The following LIN52 variants were observed in gnomAD, a reference collection of about 807,000 sequenced individuals.
LIN52 encodes protein lin-52 homolog.
In LIN52, 4 loss-of-function variants were observed where a neutral mutation model predicts 18.5. The ratio of observed to expected loss-of-function variants is 0.22; its 90% CI spans 0.11 to 0.49. The LOEUF is 0.49. LIN52 is among the 20% of genes least tolerant of loss of function. LIN52 has a pLI of 0.97. For synonymous variants in LIN52, 34 were observed against 45.5 expected (o/e 0.75, Z 1.02); for missense variants, 102 against 139.5 (o/e 0.73, Z 1.35).
At chr14:74,130,278 G>GGTTTTTTTTTTGTT (rs2061054384) in intron 5 of LIN52, among the ~76,000 whole-genome samples, 1 of 64,842 alleles carries the variant, frequency 1.5e-5, no homozygotes, top group East Asian at 4.6e-4. Flanking sequence ...GCATTTTTTG[G>GGTTTTTTTTTTGTT]TTTTTTTTTT....
Position 74,146,192 on chromosome 14 carries a change from G to A in LIN52, c.283+44954G>A, listed in dbSNP as rs186605933. On this transcript the variant is annotated intron_variant, in intron 5 of 5. Coordinates refer to ENST00000555028, the MANE Select transcript of LIN52 (RefSeq NM_001024674.3). ...CCTCACTGCCTTTTCAGAGAAGTAT[G>A]TATTTTTCTCTCTATTGATGAACAT... is the stretch of plus-strand genomic sequence containing the variant. 3.7e-3 allele frequency among the ~76,000 whole-genome samples: 569 copies of A among 152,190 alleles called. 4 individuals carry two copies. Among genetic ancestry groups the A allele is most frequent in the African/African-American group, 0.013 (537 of 41,518 alleles).
chr14:74,118,515 T>G (rs2060977364), intron 5 of LIN52, among the ~76,000 whole-genome samples: 1 of 152,250 alleles, frequency 6.6e-6, no homozygotes, highest in African/African-American at 2.4e-5. Context: ...GGCTCATGCC[T>G]GTGATCCCAG....
chr14:74,087,413 CAAA>C (rs59052804), intron 1 of LIN52, among the ~76,000 whole-genome samples: 24 of 100,222 alleles, frequency 2.4e-4, no homozygotes, highest in South Asian at 6.5e-4. Context: ...GACTCCATTG[CAAA>C]AAAAAAAAAA....
chr14:74,139,804 G>A (rs983518088), intron 5 of LIN52, among the ~76,000 whole-genome samples: 6 of 152,104 alleles, frequency 3.9e-5, no homozygotes, highest in African/African-American at 1.4e-4. Context: ...GTGAGTCCAA[G>A]AGTTTATTTT....
chr14:74,174,941 G>A (rs1216405332), intron 5 of LIN52, among the ~76,000 whole-genome samples: 1 of 151,494 alleles, frequency 6.6e-6, no homozygotes, highest in Non-Finnish European at 1.5e-5. Context: ...CTCAGTTAAC[G>A]GAGGTCGAGG....
chr14:74,167,044 G>A (rs562373834), intron 5 of LIN52, among the ~76,000 whole-genome samples: 169 of 151,114 alleles, frequency 1.1e-3, no homozygotes, highest in African/African-American at 4.0e-3. Flanking sequence ...ATCTCATCAA[G>A]GCATGTATCC....
intron 2 of LIN52, among the ~76,000 whole-genome samples, chr14:74,095,158 T>TTG (rs1292039165): frequency 1.3e-5 from 2 of 148,886 alleles, no homozygotes; most frequent in Non-Finnish European, 3.0e-5. Flanking sequence ...TGTTTTTTTT[T>TTG]TTTTTTTTTT....
At chr14:74,181,400 A>G (rs1427629410) in intron 5 of LIN52, among the ~76,000 whole-genome samples, 1 of 151,510 alleles carries the variant, frequency 6.6e-6, no homozygotes, top group East Asian at 1.9e-4. Flanking sequence ...TGATCACACC[A>G]GTGCCCTCCA....
chr14:74,100,636 C>T (rs1453390388), intron 4 of LIN52, among the ~76,000 whole-genome samples: 1 of 152,196 alleles, frequency 6.6e-6, no homozygotes, highest in African/African-American at 2.4e-5. Context: ...CCACCACACC[C>T]AGCTAATCGT....
intron 5 of LIN52, among the ~76,000 whole-genome samples, chr14:74,184,955 T>G (rs1470833041): frequency 6.6e-6 from 1 of 152,006 alleles, no homozygotes; most frequent in Non-Finnish European, 1.5e-5. Context: ...TTTTTAAAAA[T>G]TTTTTCTTAT....
intron 5 of LIN52, among the ~76,000 whole-genome samples, chr14:74,111,535 C>T (rs186859094): frequency 6.6e-6 from 1 of 151,678 alleles, no homozygotes; most frequent in East Asian, 1.9e-4. Context: ...CTCCTAGGCT[C>T]AAGCAATCCT....
chr14:74,123,146 T>A (rs1322042672), intron 5 of LIN52, among the ~76,000 whole-genome samples: 2 of 152,226 alleles, frequency 1.3e-5, no homozygotes, highest in Non-Finnish European at 2.9e-5. Context: ...TCTGATCATA[T>A]TTACATTCTT....
intron 5 of LIN52, chr14:74,174,883 TGTG>T (rs1328873828): frequency 6.6e-6 from 1 of 152,052 alleles, no homozygotes; most frequent in Non-Finnish European, 1.5e-5. Context: ...GGTGCATGCT[TGTG>T]GTCCTAGCTA....
chr14:74,186,197 C>T (rs995853078), intron 5 of LIN52, among the ~76,000 whole-genome samples: 9 of 151,526 alleles, frequency 5.9e-5, no homozygotes, highest in African/African-American at 1.7e-4. Context: ...AAGGCTGAGG[C>T]GGGAGAATCG....
intron 5 of LIN52, among the ~76,000 whole-genome samples, chr14:74,137,365 C>T (rs1451017580): frequency 6.6e-6 from 1 of 151,546 alleles, no homozygotes; most frequent in African/African-American, 2.4e-5. Flanking sequence ...ACATTCAGAC[C>T]TCCCCAATTG....
At chr14:74,105,960 C>T (rs986400118) in intron 5 of LIN52, among the ~76,000 whole-genome samples, 5 of 152,096 alleles carry the variant, frequency 3.3e-5, no homozygotes, top group Admixed American at 2.0e-4. Flanking sequence ...CATGATTATG[C>T]CTCAGATAAC....
intron 5 of LIN52, among the ~76,000 whole-genome samples, chr14:74,143,428 C>A (rs1163372015): frequency 6.6e-6 from 1 of 152,130 alleles, no homozygotes; most frequent in Non-Finnish European, 1.5e-5. Context: ...CAGTGTGCCC[C>A]TGTGGTCCCA....
chr14:74,133,306 CT>C (rs1018819333), intron 5 of LIN52, among the ~76,000 whole-genome samples: 1 of 152,162 alleles, frequency 6.6e-6, no homozygotes, highest in African/African-American at 2.4e-5. Context: ...TAAAATGTTC[CT>C]TTTTTCCCTT....
At chr14:74,112,968 T>G (rs2060938683) in intron 5 of LIN52, among the ~76,000 whole-genome samples, 1 of 152,188 alleles carries the variant, frequency 6.6e-6, no homozygotes, top group African/African-American at 2.4e-5. Context: ...TTTTATTTAG[T>G]TAAGACCTGC....
Sources: allele counts gnomAD v4.1 joint callset (sites outside exome capture counted in the v4.1 genomes callset), GRCh38; gene constraint gnomAD v4.1.1; transcripts MANE v1.5; gene names NCBI Gene and HGNC (gene_info 2026-07-23, HGNC 2026-07-21).